Variants in NRXN1 observed in about 807,000 individuals in gnomAD.
NRXN1 encodes the protein neurexin 1, also known as neurexin-1.
A neutral mutation model predicts 150.9 loss-of-function variants in NRXN1; 39 were observed. The ratio of observed to expected loss-of-function variants is 0.26; its 90% CI spans 0.20 to 0.34. The LOEUF (loss-of-function observed/expected upper bound fraction) is 0.34. Ranked by LOEUF, NRXN1 falls within the 10% of genes least tolerant of loss-of-function variation. The pLI is 1.00. For missense variants in NRXN1, 1,815 were observed against 1,949.9 expected (o/e 0.93, Z 1.30); for synonymous variants, 924 against 757.0 (o/e 1.22, Z -3.62).
chr2:50,515,211 T>C (rs577363834), intron 12 of NRXN1, among the ~76,000 whole-genome samples: 116 of 152,328 alleles, frequency 7.6e-4, no homozygotes, highest in South Asian at 8.3e-4. Context: ...CTAGGTTTCA[T>C]GCTCCTTAGG....
chr2:50,085,320 T>A (rs1015148280), intron 19 of NRXN1, among the ~76,000 whole-genome samples: 1 of 152,210 alleles, frequency 6.6e-6, no homozygotes, highest in Non-Finnish European at 1.5e-5. Flanking sequence ...CGTCTTTTGT[T>A]AGACTCTACT....
intron 2 of NRXN1, among the ~76,000 whole-genome samples, chr2:51,010,778 A>G (rs965880114): frequency 1.3e-5 from 2 of 150,880 alleles, no homozygotes; most frequent in African/African-American, 2.5e-5. Flanking sequence ...AAAACTGGGT[A>G]TGATGGTCTT....
At chr2:50,001,256 A>C (rs1243784683) in intron 21 of NRXN1, among the ~76,000 whole-genome samples, 1 of 152,148 alleles carries the variant, frequency 6.6e-6, no homozygotes, top group Non-Finnish European at 1.5e-5. Context: ...GGATAAATAA[A>C]ATAACATTTA....
In NRXN1 at chr2:50,644,476, TG is replaced by T. The variant is rs552300242; in HGVS notation, c.833-20862del. 4.1e-3 allele frequency among the ~76,000 whole-genome samples: 628 copies of T among 151,778 alleles called. 6 individuals are homozygous for T. Among genetic ancestry groups the T allele is most frequent in the African/African-American group, 0.013 (534 of 41,480 alleles). On this transcript the variant is annotated intron_variant, in intron 5 of 22. Transcript: ENST00000401669. ...AAAAGAAATAAATACAAAAATTAAC[TG>T]GGAACAAATAAGCAACCCCTGGAGG...
chr2:50,720,624 C>A (rs1399677126), intron 5 of NRXN1, among the ~76,000 whole-genome samples: 1 of 152,156 alleles, frequency 6.6e-6, no homozygotes, highest in African/African-American at 2.4e-5. Context: ...CCATGCTTAG[C>A]CACAATATTA....
intron 19 of NRXN1, among the ~76,000 whole-genome samples, chr2:50,073,285 G>C (rs1696577052): frequency 6.6e-6 from 1 of 152,174 alleles, no homozygotes; most frequent in African/African-American, 2.4e-5. Context: ...TGTGTTCCAA[G>C]GGGGTAGTGA....
At chr2:50,937,867 T>C (rs921977782) in intron 2 of NRXN1, among the ~76,000 whole-genome samples, 19 of 152,234 alleles carry the variant, frequency 1.2e-4, no homozygotes, top group African/African-American at 4.3e-4. Flanking sequence ...TGTTAGGTGA[T>C]TTCATCCTTG....
chr2:50,035,462 A>T (rs1328291127), intron 21 of NRXN1, among the ~76,000 whole-genome samples: 2 of 152,142 alleles, frequency 1.3e-5, no homozygotes, highest in African/African-American at 4.8e-5. Context: ...TGTTTAATTA[A>T]GCAGATTTTA....
chr2:50,837,171 C>A (rs1458054177), intron 5 of NRXN1, among the ~76,000 whole-genome samples: 1 of 151,990 alleles, frequency 6.6e-6, no homozygotes, highest in Admixed American at 6.6e-5. Flanking sequence ...ATGAATGAAC[C>A]AATGAAAAAT....
At chr2:50,815,794 A>T (rs575695429) in intron 5 of NRXN1, among the ~76,000 whole-genome samples, 1 of 152,228 alleles carries the variant, frequency 6.6e-6, no homozygotes, top group Non-Finnish European at 1.5e-5. Flanking sequence ...TTTTATCTAT[A>T]GAATTAATTG....
chr2:50,488,934 G>A (rs144773776), intron 15 of NRXN1, among the ~76,000 whole-genome samples: 3 of 152,290 alleles, frequency 2.0e-5, no homozygotes, highest in African/African-American at 4.8e-5. Context: ...TCTGGATGAC[G>A]ATGAGGTCTT....
intron 17 of NRXN1, among the ~76,000 whole-genome samples, chr2:50,424,867 A>C (rs547113202): frequency 6.6e-6 from 1 of 151,670 alleles, no homozygotes; most frequent in African/African-American, 2.4e-5. Context: ...AATATCAGTT[A>C]TTTCGTATTG....
chr2:50,479,218 A>G (rs2090242492), intron 15 of NRXN1, among the ~76,000 whole-genome samples: 1 of 152,220 alleles, frequency 6.6e-6, no homozygotes, highest in African/African-American at 2.4e-5. Flanking sequence ...TCCGACCTTT[A>G]GTCAAACTTT....
In NRXN1 at chr2:50,496,091, A is replaced by C. The variant is rs2091599641; in HGVS notation, c.2884T>G (p.Leu962Val). The C allele has an allele frequency of 1.3e-6, 2 of 1,594,624 alleles. No individual in the cohort carries two copies. The highest frequency in any genetic ancestry group is 1.3e-5 in the African/African-American group (1 of 74,756). The change falls in exon 15 of 23, where the codon TTA becomes GTA. Residue 962 changes from leucine (L) to valine (V), a missense_variant. Coordinates refer to ENST00000401669, the MANE Select transcript of NRXN1 (RefSeq NM_001330078.2). ...FIVVELVKGY[L>V]HYVFDLGNGA... ...TTTCCCAAATCAAACACGTAATGTA[A>C]GTACCTGGGAAAAAAATGAAAGAGG...
intron 8 of NRXN1, among the ~76,000 whole-genome samples, chr2:50,582,014 G>A (rs558769654): frequency 9.9e-5 from 15 of 152,126 alleles, no homozygotes; most frequent in African/African-American, 3.1e-4. Flanking sequence ...TGGCTTTTCT[G>A]ACATAAATAG....
At chr2:50,056,514 TA>T (rs1693650528) in intron 19 of NRXN1, among the ~76,000 whole-genome samples, 1 of 152,166 alleles carries the variant, frequency 6.6e-6, no homozygotes, top group South Asian at 2.1e-4. Flanking sequence ...CTGTGATCAC[TA>T]AAACATTGTA....
At chr2:50,479,767 CTTTTTTTTTTTTTTTTT>C (rs35301086) in intron 15 of NRXN1, among the ~76,000 whole-genome samples, 1 of 79,866 alleles carries the variant, frequency 1.3e-5, no homozygotes, top group African/African-American at 5.1e-5. Context: ...ATTTCTTTTT[CTTTTTTTTTTTTTTTTT>C]TTTTTTTGAG....
At chr2:50,252,555 A>T (rs1292068031) in intron 17 of NRXN1, among the ~76,000 whole-genome samples, 1 of 151,948 alleles carries the variant, frequency 6.6e-6, no homozygotes, top group Non-Finnish European at 1.5e-5. Flanking sequence ...CACTGCGTCC[A>T]GCACATTTAT....
intron 2 of NRXN1, among the ~76,000 whole-genome samples, chr2:51,022,890 T>A (rs536383567): frequency 2.0e-5 from 3 of 152,168 alleles, no homozygotes; most frequent in African/African-American, 7.2e-5. Context: ...GGGTATGCTA[T>A]AAAGTGTGGC....
Sources: allele counts gnomAD v4.1 joint callset (sites outside exome capture counted in the v4.1 genomes callset), GRCh38; gene constraint gnomAD v4.1.1; transcripts MANE v1.5; gene names NCBI Gene and HGNC (gene_info 2026-07-23, HGNC 2026-07-21).